DIP2C: variants seen among roughly 807,000 people sequenced by gnomAD.
DIP2C encodes the protein DIP2 acetate--CoA ligase C (putative), also known as disco-interacting protein 2 homolog C.
DIP2C carries 33 observed loss-of-function variants against 192.4 expected under a neutral mutation model. That is an observed-to-expected ratio of 0.17 (90% CI 0.13 to 0.23). The LOEUF is 0.23. Ranked by LOEUF, DIP2C falls within the 10% of genes least tolerant of loss-of-function variation. DIP2C has a pLI of 1.00. For synonymous variants in DIP2C, 979 were observed against 864.1 expected (o/e 1.13, Z -2.33); for missense variants, 1,537 against 2,110.1 (o/e 0.73, Z 5.32).
At chr10:549,880 C>G (rs1206880805) in intron 1 of DIP2C, among the ~76,000 whole-genome samples, 1 of 152,156 alleles carries the variant, frequency 6.6e-6, no homozygotes, top group Non-Finnish European at 1.5e-5. Context: ...GGTAGAAGGG[C>G]AGCCCAGGGG....
chr10:569,181 G>C (rs1336446096), intron 1 of DIP2C, among the ~76,000 whole-genome samples: 1 of 152,182 alleles, frequency 6.6e-6, no homozygotes, highest in South Asian at 2.1e-4. Context: ...AATATGCAGA[G>C]ACTTCCGTGG....
intron 32 of DIP2C, among the ~76,000 whole-genome samples, chr10:307,709 A>G (rs1956386418): frequency 6.6e-6 from 1 of 152,102 alleles, no homozygotes; most frequent in Non-Finnish European, 1.5e-5. Context: ...GAAGAGTGAG[A>G]GCAGCCCCAG....
intron 1 of DIP2C, among the ~76,000 whole-genome samples, chr10:491,480 G>A (rs1046595610): frequency 1.3e-5 from 2 of 152,148 alleles, no homozygotes; most frequent in Non-Finnish European, 2.9e-5. Flanking sequence ...AGGCTTCTTC[G>A]TTCTCCAGCA....
intron 9 of DIP2C, among the ~76,000 whole-genome samples, chr10:407,726 G>A (rs1589723199): frequency 1.3e-5 from 2 of 152,056 alleles, no homozygotes; most frequent in East Asian, 1.9e-4. Flanking sequence ...CTAAATCTTT[G>A]GAGAAACGTT....
chr10:386,057 G>A (rs966084103), intron 14 of DIP2C, among the ~76,000 whole-genome samples: 8 of 152,304 alleles, frequency 5.3e-5, no homozygotes, highest in East Asian at 1.9e-4. Context: ...CACCACCAGC[G>A]GGAGCTCCTC....
chr10:325,195 G>A (rs1380350693), intron 31 of DIP2C, among the ~76,000 whole-genome samples: 2 of 152,108 alleles, frequency 1.3e-5, no homozygotes, highest in Non-Finnish European at 2.9e-5. Context: ...AACCCAGCAG[G>A]TGGAGCTTGC....
intron 34 of DIP2C, 29 bp downstream of exon 34, chr10:286,244 A>G (rs1455895170): frequency 6.2e-7 from 1 of 1,610,620 alleles, no homozygotes; most frequent in African/African-American, 1.3e-5. Context: ...CAGAAAAGTA[A>G]CCTGGATCTC....
intron 1 of DIP2C, among the ~76,000 whole-genome samples, chr10:674,491 G>A (rs891290389): frequency 2.8e-4 from 43 of 151,876 alleles, no homozygotes; most frequent in Non-Finnish European, 2.6e-4. Flanking sequence ...ATAGAGAGGC[G>A]GGGTGCAGTG....
At position 345,289 on chromosome 10, in the gene DIP2C, G is replaced by A. The variant is rs1445735776; in HGVS notation, c.3232-179C>T. ...CAGAGCTAGGAGTCTAGTTGTGGAG[G>A]CACGGGGGCAGGGCATGCGGCCTGA... On this transcript the variant is annotated intron_variant, in intron 26 of 36. Transcript: ENST00000280886. The A allele has an allele frequency of 1.1e-5, 8 of 711,340 alleles. No individual in the cohort carries two copies. The East Asian group carries it at 2.2e-4, about 19-fold the overall frequency. The allele number at this position is 711,340 out of a possible 1,614,324, so 44.1% of individuals were successfully genotyped here. A position where few individuals can be genotyped will look rare whatever the true frequency, so the allele number is the denominator to read the frequency against.
rs1231588824 is a variant in DIP2C at position 363,856 on chromosome 10, TG to T, written c.2477+517del. 1.3e-5 allele frequency among the ~76,000 whole-genome samples: 2 copies of T among 152,020 alleles called. No homozygotes were observed. The highest frequency in any genetic ancestry group is 4.8e-5 in the African/African-American group (2 of 41,418). On this transcript the variant is annotated intron_variant, in intron 20 of 36. Coordinates refer to ENST00000280886, the MANE Select transcript of DIP2C (RefSeq NM_014974.3). This position sits in a 1 kb window ranked among gnomAD's most constrained non-coding sequence, Gnocchi z 5.4. ...TTCCTGCTCCCATCAGCTTCCAAAC[TG>T]AAAAAAGGCTCTAAAACACTTTATG...
intron 1 of DIP2C, among the ~76,000 whole-genome samples, chr10:489,337 C>A (rs1211881549): frequency 6.6e-6 from 1 of 152,204 alleles, no homozygotes; most frequent in Non-Finnish European, 1.5e-5. Context: ...CCAATGTTTC[C>A]CGTGCGAATA....
intron 1 of DIP2C, among the ~76,000 whole-genome samples, chr10:598,409 C>T (rs1851845488): frequency 6.6e-6 from 1 of 152,230 alleles, no homozygotes; most frequent in South Asian, 2.1e-4. Flanking sequence ...ATGGACATTC[C>T]CTCAATCCAT....
rs575551186 is a variant in DIP2C at position 400,185 on chromosome 10, G to A, written c.1150-966C>T. On this transcript the variant is annotated intron_variant, in intron 9 of 36. Transcript: ENST00000280886. ...TTACAGGTGAGCACTACTGCATGCAGCTAATTTTTAAAAAATATCTTTAGA... is the reference window on the plus strand; with the variant it reads ...TTACAGGTGAGCACTACTGCATGCAACTAATTTTTAAAAAATATCTTTAGA... Among the ~76,000 whole-genome samples, 120 of 152,246 alleles carry A rather than the reference G, an allele frequency of 7.9e-4. 1 individual carries two copies. Among genetic ancestry groups the A allele is most frequent in the African/African-American group, 2.8e-3 (115 of 41,530 alleles).
chr10:559,472 T>TC (rs1336534508), intron 1 of DIP2C, among the ~76,000 whole-genome samples: 1 of 152,110 alleles, frequency 6.6e-6, no homozygotes, highest in Non-Finnish European at 1.5e-5. Context: ...TCCTCAAAGC[T>TC]CCCCACAGAC....
chr10:518,422 C>T (rs574106939), intron 1 of DIP2C, among the ~76,000 whole-genome samples: 50 of 152,354 alleles, frequency 3.3e-4, no homozygotes, highest in South Asian at 6.2e-4. Context: ...TCAGTGTCCA[C>T]ACAGGCTTTC....
intron 1 of DIP2C, among the ~76,000 whole-genome samples, chr10:531,999 C>G (rs1847400920): frequency 6.6e-6 from 1 of 152,230 alleles, no homozygotes. Context: ...CTCCAAAATA[C>G]TTCGCCCAGA....
At chr10:674,747 C>G (rs897421024) in intron 1 of DIP2C, among the ~76,000 whole-genome samples, 2 of 107,132 alleles carry the variant, frequency 1.9e-5, no homozygotes, top group Admixed American at 1.2e-4. Flanking sequence ...CCAGCCTAAG[C>G]AACAAAAGCA....
intron 32 of DIP2C, among the ~76,000 whole-genome samples, chr10:290,801 G>A (rs1955452890): frequency 6.6e-6 from 1 of 152,170 alleles, no homozygotes. Flanking sequence ...CCAAAACCGA[G>A]GGCTGTTTAG....
chr10:395,094 GCTGGGGGGGAGGGAGGA>G (rs2132986383), intron 10 of DIP2C, among the ~76,000 whole-genome samples: 1 of 125,864 alleles, frequency 7.9e-6, no homozygotes, highest in South Asian at 3.3e-4. Flanking sequence ...GACCACGAGG[GCTGGGGGGGAGGGAGGA>G]GTTGGGGGGA....
Sources: allele counts gnomAD v4.1 joint callset (sites outside exome capture counted in the v4.1 genomes callset), GRCh38; gene constraint gnomAD v4.1.1; non-coding constraint Gnocchi (gnomAD v3.1); transcripts MANE v1.5; gene names NCBI Gene and HGNC (gene_info 2026-07-23, HGNC 2026-07-21).